The following C12orf43 variants were observed in gnomAD, a reference collection of about 807,000 sequenced individuals.
C12orf43 encodes protein CUSTOS.
In C12orf43, 15 loss-of-function variants were observed where a neutral mutation model predicts 20.6. That is an observed-to-expected ratio of 0.73 (90% CI 0.49 to 1.12). The LOEUF is 1.12. Ranked by LOEUF, C12orf43 falls within the 50% of genes most tolerant of loss-of-function variation. The pLI is 0.00. For missense variants in C12orf43, 334 were observed against 344.4 expected (o/e 0.97, Z 0.24); for synonymous variants, 144 against 130.8 (o/e 1.10, Z -0.69).
At chr12:121,009,519 T>C (rs1393940628) in intron 3 of C12orf43, among the ~76,000 whole-genome samples, 2 of 152,014 alleles carry the variant, frequency 1.3e-5, no homozygotes, top group Non-Finnish European at 2.9e-5. Context: ...TGAGAGGTGA[T>C]TAGGTCGGGA....
In C12orf43 at chr12:121,004,578, C is replaced by G; in HGVS notation, c.453-89G>C. On this transcript the variant is annotated intron_variant, in intron 5 of 5. Transcript: ENST00000288757. The surrounding 1 kb of genome is among the most constrained non-coding windows in gnomAD (Gnocchi z 5.6). Reference sequence around the variant, plus strand: ...CGCTGTCCTCCCTTGGTCCAGGTCACCAGAAGGTGGCCGCAGAGAGAGGCA... The same window carrying G: ...CGCTGTCCTCCCTTGGTCCAGGTCAGCAGAAGGTGGCCGCAGAGAGAGGCA... The G allele has an allele frequency of 1.5e-6, 2 of 1,361,374 alleles. No homozygotes were observed. The highest frequency in any genetic ancestry group is 2.0e-6 in the Non-Finnish European group (2 of 1,007,012). The allele number at this position is 1,361,374 out of a possible 1,614,324, so 84.3% of individuals were successfully genotyped here.
In C12orf43 at chr12:121,006,307, G is replaced by A; in HGVS notation, c.361+14C>T. On this transcript the variant is annotated intron_variant, in intron 4 of 5. Transcript: ENST00000288757. Reference sequence around the variant, plus strand: ...CTTAATAAATGATAGCTTCTATTAAGTATAACCACTCACCATCATCCTCCA... The same window carrying A: ...CTTAATAAATGATAGCTTCTATTAAATATAACCACTCACCATCATCCTCCA... 6.2e-7 allele frequency: 1 copy of A among 1,607,310 alleles called. No individual in the cohort carries two copies.
In C12orf43 at chr12:121,004,922, C is replaced by CA; in HGVS notation, c.452+80_452+81insT. 2 of 1,072,500 alleles carry CA rather than the reference C, an allele frequency of 1.9e-6. No individual in the cohort carries two copies. Among genetic ancestry groups the CA allele is most frequent in the Non-Finnish European group, 2.5e-6 (2 of 785,550 alleles). 66.4% of individuals were successfully genotyped at this position (1,072,500 alleles called of 1,614,324 possible). On this transcript the variant is annotated intron_variant, in intron 5 of 5. Transcript: ENST00000288757. The surrounding 1 kb of genome is among the most constrained non-coding windows in gnomAD (Gnocchi z 5.6). ...GCCTTGGCCTGGTCCTGACTGGAGTCTGCTTGGCTATTCCAGGGAACCCAC... is the reference window on the plus strand; with the variant it reads ...GCCTTGGCCTGGTCCTGACTGGAGTCATGCTTGGCTATTCCAGGGAACCCAC...
intron 3 of C12orf43, chr12:121,006,595 A>G: frequency 3.5e-6 from 2 of 564,814 alleles, no homozygotes; most frequent in Non-Finnish European, 6.3e-6. Context: ...TCATTTCTTT[A>G]AAGCCCACTT....
At chr12:121,013,807 G>C (rs1026075389) in intron 1 of C12orf43, among the ~76,000 whole-genome samples, 5 of 152,306 alleles carry the variant, frequency 3.3e-5, no homozygotes, top group Middle Eastern at 6.8e-3. Context: ...GCATGGACTT[G>C]GGAGTCAGGT....
At chr12:121,016,305 A>G (rs1335311852) in intron 1 of C12orf43, 25 bp downstream of exon 1, 1 of 1,613,014 alleles carries the variant, frequency 6.2e-7, no homozygotes, top group Non-Finnish European at 8.5e-7. Flanking sequence ...CCCCTCAGCC[A>G]GTCTCCCCAA....
chr12:121,002,594 G>A lies in C12orf43; in HGVS notation c.*1559C>T. 4.8e-6 allele frequency: 2 copies of A among 414,400 alleles called. No individual in the cohort carries two copies. The highest frequency in any genetic ancestry group is 3.7e-5 in the South Asian group (2 of 53,622). 25.7% of individuals were successfully genotyped at this position (414,400 alleles called of 1,614,324 possible). On this transcript the variant is annotated 3_prime_UTR_variant, in exon 6 of 6. Transcript: ENST00000288757. ...GGGCAGGCCAGAGGCCTGCGAAGAG[G>A]AGACAGGCTCCAGCACCCACGCTCT...
intron 3 of C12orf43, among the ~76,000 whole-genome samples, chr12:121,007,970 A>T (rs1169323284): frequency 3.3e-5 from 5 of 151,760 alleles, no homozygotes; most frequent in Non-Finnish European, 7.4e-5. Context: ...TGGTGGGGTG[A>T]GTGCTACTAT....
In C12orf43 at chr12:121,000,925, T is replaced by A; in HGVS notation, c.*3228A>T. ...CCCTTTGAAGAACCGAGGGTAGAGG[T>A]GTGACTTTGGGGTTCCTGTTATCTG... On this transcript the variant is annotated 3_prime_UTR_variant, in exon 6 of 6. Coordinates refer to ENST00000288757, the MANE Select transcript of C12orf43 (RefSeq NM_022895.3). 13 of 1,190,858 alleles carry A rather than the reference T, an allele frequency of 1.1e-5. No individual in the cohort carries two copies. Among genetic ancestry groups the A allele is most frequent in the Non-Finnish European group, 1.6e-5 (13 of 822,772 alleles). The allele number at this position is 1,190,858 out of a possible 1,614,324, so 73.8% of individuals were successfully genotyped here. A position where few individuals can be genotyped will look rare whatever the true frequency, so the allele number is the denominator to read the frequency against.
Position 121,010,945 on chromosome 12 carries a change from G to GCCT in C12orf43, c.189-20_189-19insAGG. The GCCT allele has an allele frequency of 1.9e-6, 3 of 1,613,706 alleles. No individual in the cohort carries two copies. The South Asian group carries it at 3.3e-5, about 18-fold the overall frequency. On this transcript the variant is annotated intron_variant, in intron 2 of 5. Transcript: ENST00000288757. ...CTTATGCCTACGACACACACAAAGA[G>GCCT]ACCTCACTTCCTGCCCGCTCAGAAG...
At chr12:121,007,262 T>C (rs997755798) in intron 3 of C12orf43, 5 of 152,150 alleles carry the variant, frequency 3.3e-5, no homozygotes, top group Non-Finnish European at 7.4e-5. Flanking sequence ...CCTCCATCCA[T>C]TTTCTCGCAA....
chr12:121,015,900 G>A (rs1041851662), intron 1 of C12orf43, among the ~76,000 whole-genome samples: 2 of 152,190 alleles, frequency 1.3e-5, no homozygotes, highest in Non-Finnish European at 2.9e-5. Context: ...ATGTTGCGGG[G>A]CTCTGTATTT....
At position 121,016,371 on chromosome 12, in the gene C12orf43, C is replaced by G; in HGVS notation, c.104G>C (p.Gly35Ala). ...TGCCACGTGCGGGCGTTGCTCCAAG[C>G]CCCAAGCCGGCATTGCCGCCTCGCG... ...RCREAAMPAW[G>A]LEQRPHVAGK... Residue 35 changes from glycine (G) to alanine (A), a missense_variant, in exon 1 of 6, where the codon GGC (glycine) becomes GCC (alanine). Gly to Ala is a moderately conservative substitution (Grantham distance 60, BLOSUM62 0). Coordinates refer to ENST00000288757, the MANE Select transcript of C12orf43 (RefSeq NM_022895.3). 1 of 1,613,844 alleles carries G rather than the reference C, an allele frequency of 6.2e-7. No individual in the cohort carries two copies. Among genetic ancestry groups the G allele is most frequent in the Non-Finnish European group, 8.5e-7 (1 of 1,180,036 alleles).
chr12:121,011,051 A>G (rs770958518), intron 2 of C12orf43, 53 bp downstream of exon 2: 2 of 1,598,980 alleles, frequency 1.3e-6, no homozygotes, highest in Admixed American at 1.7e-5. Context: ...TGGCACACGC[A>G]GGGGATCAGT....
chr12:121,005,080 G>GA lies in C12orf43; in HGVS notation c.374dup (p.Phe126LeufsTer9). 1 of 1,426,824 alleles carries GA rather than the reference G, an allele frequency of 7.0e-7. No homozygotes were observed. Among genetic ancestry groups the GA allele is most frequent in the Non-Finnish European group, 9.3e-7 (1 of 1,076,456 alleles). The allele number at this position is 1,426,824 out of a possible 1,614,324, so 88.4% of individuals were successfully genotyped here. ...CACGGCCTCCAGGGACAGATGTGAA[G>GA]AAAAGGCGGAAACCTAAGATTCAAT... is the stretch of plus-strand genomic sequence containing the variant. On this transcript the variant is annotated frameshift_variant, in exon 5 of 6. Transcript: ENST00000288757. LOFTEE classifies it high-confidence loss of function. The surrounding 1 kb of genome is among the most constrained non-coding windows in gnomAD (Gnocchi z 5.6).
In C12orf43 at chr12:121,001,207, CCCTGGGG is replaced by C. The variant is rs1253008406; in HGVS notation, c.*2939_*2945del. On this transcript the variant is annotated 3_prime_UTR_variant, in exon 6 of 6. Transcript: ENST00000288757. ...CCTCCCAGTAACCACGGCACCTGGG[CCCTGGGG>C]CCTGTACTGCCTGCTTGGGGGGTGA... 1.2e-6 allele frequency: 2 copies of C among 1,613,556 alleles called. No individual in the cohort carries two copies. The highest frequency in any genetic ancestry group is 1.7e-5 in the Admixed American group (1 of 59,984).
intron 3 of C12orf43, 63 bp from the exon 4 acceptor site, chr12:121,006,457 C>T: frequency 6.6e-7 from 1 of 1,517,778 alleles, no homozygotes; most frequent in Non-Finnish European, 9.1e-7. Flanking sequence ...AAACAAAATT[C>T]TTTTTCAAGT....
At chr12:121,012,849 TAAAAAA>T (rs10636003) in intron 1 of C12orf43, among the ~76,000 whole-genome samples, 27 of 91,992 alleles carry the variant, frequency 2.9e-4, no homozygotes, top group African/African-American at 1.2e-3. Flanking sequence ...AGACTCCGTC[TAAAAAA>T]AAAAAAAAAA....
chr12:121,002,550 G>A lies in C12orf43; in HGVS notation c.*1603C>T, dbSNP rs1323480347. On this transcript the variant is annotated 3_prime_UTR_variant, in exon 6 of 6. Coordinates refer to ENST00000288757, the MANE Select transcript of C12orf43 (RefSeq NM_022895.3). ...CCACAAATCATTCAGATGGGGTTTG[G>A]GCAGGTAGCGGGAGGCTGGGGCAGG... The A allele has an allele frequency of 2.0e-6, 1 of 488,204 alleles. No homozygotes were observed. Among genetic ancestry groups the A allele is most frequent in the Non-Finnish European group, 4.1e-6 (1 of 246,512 alleles). The allele number at this position is 488,204 out of a possible 1,614,324, so 30.2% of individuals were successfully genotyped here.
Sources: gnomAD v4.1 joint callset for allele counts (sites outside exome capture counted in the v4.1 genomes callset) on GRCh38, gnomAD v4.1.1 for gene constraint, Gnocchi (gnomAD v3.1) non-coding constraint, MANE v1.5 for transcripts, NCBI Gene and HGNC (gene_info 2026-07-23, HGNC 2026-07-21) for gene names.